HBS1L: variants seen among roughly 807,000 people sequenced by gnomAD.
HBS1L encodes HBS1 like translational GTPase.
In HBS1L, 55 loss-of-function variants were observed where a neutral mutation model predicts 88.9. The ratio of observed to expected loss-of-function variants is 0.62; its 90% CI spans 0.50 to 0.77. The LOEUF is 0.77. HBS1L is among the 30% of genes least tolerant of loss of function. The pLI is 0.00. For synonymous variants in HBS1L, 267 were observed against 288.5 expected, an observed-to-expected ratio of 0.93 and a Z score of 0.76; for missense variants, 741 against 829.3, an observed-to-expected ratio of 0.89 and a Z score of 1.31.
intron 15 of HBS1L, among the ~76,000 whole-genome samples, chr6:134,977,254 G>C (rs767348991): frequency 6.6e-6 from 1 of 151,830 alleles, no homozygotes; most frequent in Non-Finnish European, 1.5e-5. Context: ...CAGTAGTCAG[G>C]GAGACAGTAT....
chr6:135,036,213 G>A, intron 4 of HBS1L: 1 of 943,436 alleles, frequency 1.1e-6, no homozygotes, highest in Non-Finnish European at 1.3e-6. Flanking sequence ...TAAGAACAAA[G>A]CACAAAAATA....
Position 135,042,135 on chromosome 6 carries a change from T to C in HBS1L, c.110-9A>G, listed in dbSNP as rs754533787. On this transcript the variant is annotated splice_polypyrimidine_tract_variant and intron_variant, in intron 2 of 17. Coordinates refer to ENST00000367837, the MANE Select transcript of HBS1L (RefSeq NM_006620.4). ...ATAAATAAACTGAGCAGCTAGAATA[T>C]AAAATGATCAAAGAATGCTATGGTA... is the stretch of plus-strand genomic sequence containing the variant. The C allele has an allele frequency of 6.2e-7, 1 of 1,610,622 alleles. No homozygotes were observed. Among genetic ancestry groups the C allele is most frequent in the Admixed American group, 1.7e-5 (1 of 59,662 alleles).
chr6:135,041,038 G>A (rs1031067710), intron 3 of HBS1L, among the ~76,000 whole-genome samples: 2 of 151,984 alleles, frequency 1.3e-5, no homozygotes, highest in African/African-American at 4.8e-5. Flanking sequence ...AAATAGAATA[G>A]AGGTTTTCAA....
chr6:134,965,188 G>T lies in HBS1L; in HGVS notation c.*91C>A. Reference sequence around the variant, plus strand: ...TCTCTCATCTAAAAACATATCAATTGCACATTGTTCCTTTGACTTAATAAC... The same window carrying T: ...TCTCTCATCTAAAAACATATCAATTTCACATTGTTCCTTTGACTTAATAAC... On this transcript the variant is annotated 3_prime_UTR_variant, in exon 18 of 18. Coordinates refer to ENST00000367837, the MANE Select transcript of HBS1L (RefSeq NM_006620.4). 2.0e-6 allele frequency: 2 copies of T among 1,020,408 alleles called. No individual in the cohort carries two copies. The highest frequency in any genetic ancestry group is 3.1e-6 in the Non-Finnish European group (2 of 646,554). The allele number at this position is 1,020,408 out of a possible 1,614,324, so 63.2% of individuals were successfully genotyped here. A position where few individuals can be genotyped will look rare whatever the true frequency, so the allele number is the denominator to read the frequency against.
chr6:135,027,898 G>A (rs1776279469), intron 4 of HBS1L, among the ~76,000 whole-genome samples: 2 of 151,920 alleles, frequency 1.3e-5, no homozygotes, highest in Non-Finnish European at 2.9e-5. Context: ...CCAAGTAGCT[G>A]GGATCAAAGA....
chr6:135,021,139 A>T (rs1489494203), intron 4 of HBS1L, among the ~76,000 whole-genome samples: 1 of 152,080 alleles, frequency 6.6e-6, no homozygotes, highest in East Asian at 1.9e-4. Context: ...AAACTAGGAT[A>T]AAAATAATCC....
chr6:135,002,835 T>G lies in HBS1L; in HGVS notation c.438A>C (p.Pro146=). The change falls in exon 5 of 18, where the codon CCA becomes CCC. Residue 146 remains proline, a synonymous_variant. Transcript: ENST00000367837. ...VSTGKIAKGK[P]VDSQTSRSES... ...CACTTCGCGATGTCTGGGAATCTAC[T>G]GGTTTTCCTAGTTAAGGAGTAAAAT... 6.2e-7 allele frequency: 1 copy of G among 1,610,416 alleles called. No homozygotes were observed. Among genetic ancestry groups the G allele is most frequent in the Non-Finnish European group, 8.5e-7 (1 of 1,177,026 alleles).
chr6:134,966,464 A>G lies in HBS1L; in HGVS notation c.1908T>C (p.Thr636=). The change falls in exon 17 of 18, where the codon ACT becomes ACC. Residue 636 remains threonine (T), a synonymous_variant. Coordinates refer to ENST00000367837, the MANE Select transcript of HBS1L (RefSeq NM_006620.4). ...GCTCTACCAATGCATTCTGGCCTTTAGTCAAAAACCTATTAAGAAAAAAAA... is the reference window on the plus strand; with the variant it reads ...GCTCTACCAATGCATTCTGGCCTTTGGTCAAAAACCTATTAAGAAAAAAAA... ...EVTKKKPKFL[T]KGQNALVELQ... is the part of the protein sequence containing the mutation. 6.3e-7 allele frequency: 1 copy of G among 1,584,980 alleles called. No individual in the cohort carries two copies. Among genetic ancestry groups the G allele is most frequent in the Non-Finnish European group, 8.6e-7 (1 of 1,167,510 alleles).
chr6:135,043,636 C>A (rs1337334283), intron 2 of HBS1L, among the ~76,000 whole-genome samples: 1 of 152,002 alleles, frequency 6.6e-6, no homozygotes, highest in African/African-American at 2.4e-5. Flanking sequence ...ATGAGTAATA[C>A]CAGACAACAA....
At position 134,963,752 on chromosome 6, in the gene HBS1L, C is replaced by T. The variant is rs1328961607; in HGVS notation, c.*1527G>A. On this transcript the variant is annotated 3_prime_UTR_variant, in exon 18 of 18. Transcript: ENST00000367837. Reference sequence around the variant, plus strand: ...TTCTATATAGAGTTTGAGAGCAAAACCAGCACCAGGGAAGGCAGAGTGGAG... The same window carrying T: ...TTCTATATAGAGTTTGAGAGCAAAATCAGCACCAGGGAAGGCAGAGTGGAG... 6.6e-6 allele frequency: 1 copy of T among 152,092 alleles called. No homozygotes were observed. Among genetic ancestry groups the T allele is most frequent in the Non-Finnish European group, 1.5e-5 (1 of 68,058 alleles). The allele number at this position is 152,092 out of a possible 1,614,324, so 9.4% of individuals were successfully genotyped here.
At chr6:134,987,847 G>T in intron 8 of HBS1L, 56 bp from the exon 9 acceptor site, 2 of 1,418,090 alleles carry the variant, frequency 1.4e-6, no homozygotes, top group South Asian at 1.6e-5. Flanking sequence ...TTAATTCAAA[G>T]GACAGATTAT....
At chr6:134,978,388 G>A (rs2114765854) in intron 15 of HBS1L, among the ~76,000 whole-genome samples, 1 of 151,974 alleles carries the variant, frequency 6.6e-6, no homozygotes, top group South Asian at 2.1e-4. Context: ...TTAGAACACA[G>A]TGAAAATGTG....
chr6:134,983,848 G>A (rs1487830834), intron 12 of HBS1L, among the ~76,000 whole-genome samples: 1 of 152,132 alleles, frequency 6.6e-6, no homozygotes, highest in African/African-American at 2.4e-5. Context: ...CCATAGAGAA[G>A]ATATAGAGAG....
chr6:134,994,127 T>C (rs1459902846), intron 7 of HBS1L, among the ~76,000 whole-genome samples: 2 of 152,116 alleles, frequency 1.3e-5, no homozygotes, highest in African/African-American at 4.8e-5. Context: ...TGCCCTATTA[T>C]CTTATTTGTT....
chr6:135,016,153 T>C (rs1050315770), intron 4 of HBS1L, among the ~76,000 whole-genome samples: 6 of 152,204 alleles, frequency 3.9e-5, no homozygotes, highest in African/African-American at 1.4e-4. Flanking sequence ...CCCAAAGTGC[T>C]GGGATTACAG....
chr6:134,976,931 A>G (rs908690863), intron 15 of HBS1L, among the ~76,000 whole-genome samples: 2 of 152,104 alleles, frequency 1.3e-5, no homozygotes, highest in African/African-American at 2.4e-5. Flanking sequence ...AATAAAAAAC[A>G]AAGGAAAAAA....
At chr6:134,965,440 C>G in intron 17 of HBS1L, 150 bp from the exon 18 acceptor site, 2 of 612,368 alleles carry the variant, frequency 3.3e-6, no homozygotes, top group Non-Finnish European at 5.6e-6. Context: ...CTAGTCATGC[C>G]ATTTCTGCAA....
intron 4 of HBS1L, among the ~76,000 whole-genome samples, chr6:135,024,706 T>C (rs1050626901): frequency 2.6e-5 from 4 of 151,962 alleles, no homozygotes; most frequent in Non-Finnish European, 5.9e-5. Flanking sequence ...AGGTTATATG[T>C]ATTTGCTGTT....
chr6:134,966,065 T>A (rs1181219000), intron 17 of HBS1L, among the ~76,000 whole-genome samples: 1 of 152,156 alleles, frequency 6.6e-6, no homozygotes, highest in Non-Finnish European at 1.5e-5. Flanking sequence ...CTCCAGCAAT[T>A]AGAATTTAAT....
Sources: allele counts gnomAD v4.1 joint callset (sites outside exome capture counted in the v4.1 genomes callset), GRCh38; gene constraint gnomAD v4.1.1; transcripts MANE v1.5; gene names NCBI Gene and HGNC (gene_info 2026-07-23, HGNC 2026-07-21).